Variants in CAMTA1 observed in about 807,000 individuals in gnomAD.
CAMTA1 encodes calmodulin-binding transcription activator 1.
In CAMTA1, 27 loss-of-function variants were observed where a neutral mutation model predicts 170.9. The ratio of observed to expected loss-of-function variants is 0.16; its 90% CI spans 0.12 to 0.22. The LOEUF is 0.22. Ranked by LOEUF, CAMTA1 falls within the 10% of genes least tolerant of loss-of-function variation. CAMTA1 has a pLI of 1.00. For synonymous variants in CAMTA1, 833 were observed against 891.5 expected (o/e 0.93, Z 1.17); for missense variants, 1,619 against 2,217.2 (o/e 0.73, Z 5.42).
chr1:7,185,673 A>G (rs1653111589), intron 4 of CAMTA1, among the ~76,000 whole-genome samples: 1 of 152,210 alleles, frequency 6.6e-6, no homozygotes. Context: ...AAATCGGGAC[A>G]AACACACAGC....
At chr1:6,885,344 G>A (rs951719683) in intron 3 of CAMTA1, among the ~76,000 whole-genome samples, 2 of 152,226 alleles carry the variant, frequency 1.3e-5, no homozygotes, top group Non-Finnish European at 2.9e-5. Context: ...CTTTGAAAGT[G>A]AAGGTCAGTG....
intron 3 of CAMTA1, among the ~76,000 whole-genome samples, chr1:6,953,358 C>T (rs1688843250): frequency 6.6e-6 from 1 of 152,228 alleles, no homozygotes; most frequent in East Asian, 1.9e-4. Flanking sequence ...GGTCCAACCC[C>T]GGGAACGTGG....
In CAMTA1 at chr1:7,083,267, C is replaced by T. The variant is rs568133994; in HGVS notation, c.235-8037C>T. Reference sequence around the variant, plus strand: ...ATTTTGTAGACAGTCCTCCAGACACCCTTGGATCCTTACAGTCTTAACCAC... The same window carrying T: ...ATTTTGTAGACAGTCCTCCAGACACTCTTGGATCCTTACAGTCTTAACCAC... On this transcript the variant is annotated intron_variant, in intron 3 of 22. Coordinates refer to ENST00000303635, the MANE Select transcript of CAMTA1 (RefSeq NM_015215.4). Among the ~76,000 whole-genome samples, 5 of 152,284 alleles carry T rather than the reference C, an allele frequency of 3.3e-5. No homozygotes were observed. The South Asian group carries it at 8.3e-4, about 25-fold the overall frequency.
chr1:6,854,179 A>G (rs1661410567), intron 3 of CAMTA1, among the ~76,000 whole-genome samples: 1 of 152,194 alleles, frequency 6.6e-6, no homozygotes, highest in Non-Finnish European at 1.5e-5. Flanking sequence ...ATTTTATTGG[A>G]ACTGGAAAAT....
At chr1:7,557,732 C>T (rs2094898794) in intron 6 of CAMTA1, among the ~76,000 whole-genome samples, 1 of 152,134 alleles carries the variant, frequency 6.6e-6, no homozygotes, top group Non-Finnish European at 1.5e-5. Context: ...GACACAGACA[C>T]CGGGTGAGTT....
At chr1:6,813,777 G>C (rs1314853163) in intron 1 of CAMTA1, among the ~76,000 whole-genome samples, 1 of 152,070 alleles carries the variant, frequency 6.6e-6, no homozygotes, top group East Asian at 1.9e-4. Context: ...TCGAGCCACT[G>C]CTTGTTCAGT....
Position 7,457,951 on chromosome 1 carries a change from G to T in CAMTA1, c.439-9879G>T, listed in dbSNP as rs1387844044. On this transcript the variant is annotated intron_variant, in intron 5 of 22. Transcript: ENST00000303635. ...GGAGGAGTCTGTCCTGTCCCCCACGGCCAGAGGCCCGCAGGCACTTTCTGC... is the reference window on the plus strand; with the variant it reads ...GGAGGAGTCTGTCCTGTCCCCCACGTCCAGAGGCCCGCAGGCACTTTCTGC... Among the ~76,000 whole-genome samples the T allele has an allele frequency of 1.3e-5, 2 of 152,154 alleles. 1 individual carries two copies. The highest frequency in any genetic ancestry group is 2.9e-5 in the Non-Finnish European group (2 of 68,032).
intron 3 of CAMTA1, among the ~76,000 whole-genome samples, chr1:6,977,866 A>G (rs1207836238): frequency 6.6e-6 from 1 of 152,268 alleles, no homozygotes; most frequent in Non-Finnish European, 1.5e-5. Context: ...ACAGAGTACC[A>G]TTCAGCCATA....
At chr1:6,985,083 G>A (rs1695133730) in intron 3 of CAMTA1, among the ~76,000 whole-genome samples, 2 of 152,232 alleles carry the variant, frequency 1.3e-5, no homozygotes, top group South Asian at 4.1e-4. Context: ...TCCCAGGCCT[G>A]GAAGCCCACA....
chr1:7,516,862 C>G (rs1481956850), intron 6 of CAMTA1, among the ~76,000 whole-genome samples: 3 of 152,152 alleles, frequency 2.0e-5, no homozygotes, highest in Admixed American at 2.0e-4. Flanking sequence ...CCTGAGAGGG[C>G]TCTTGTTTGT....
chr1:6,831,176 T>C (rs893327605), intron 3 of CAMTA1, among the ~76,000 whole-genome samples: 3 of 152,168 alleles, frequency 2.0e-5, no homozygotes, highest in African/African-American at 7.2e-5. Flanking sequence ...GAAAAAACTA[T>C]ATTAAAAATA....
intron 6 of CAMTA1, among the ~76,000 whole-genome samples, chr1:7,520,028 CA>C (rs1188426160): frequency 1.3e-5 from 2 of 150,394 alleles, no homozygotes; most frequent in Non-Finnish European, 3.0e-5. Flanking sequence ...TTCCCCTACC[CA>C]AAAGTCTTCA....
chr1:7,263,819 A>AT (rs1317177363), intron 5 of CAMTA1, among the ~76,000 whole-genome samples: 1 of 152,220 alleles, frequency 6.6e-6, no homozygotes, highest in Non-Finnish European at 1.5e-5. Flanking sequence ...AAGCCAACAG[A>AT]TGTTAGTGAG....
intron 3 of CAMTA1, among the ~76,000 whole-genome samples, chr1:7,090,849 CAG>C (rs1217907042): frequency 6.6e-6 from 1 of 152,002 alleles, no homozygotes; most frequent in East Asian, 1.9e-4. Context: ...GATTTTGGCT[CAG>C]GGGGTTGGGG....
At chr1:7,225,874 T>A (rs1661611356) in intron 4 of CAMTA1, among the ~76,000 whole-genome samples, 1 of 152,154 alleles carries the variant, frequency 6.6e-6, no homozygotes, top group South Asian at 2.1e-4. Flanking sequence ...CCTCTGCTCA[T>A]CCCTACAGGG....
intron 1 of CAMTA1, among the ~76,000 whole-genome samples, chr1:6,808,146 T>C (rs1644739469): frequency 6.6e-6 from 1 of 151,494 alleles, no homozygotes; most frequent in African/African-American, 2.4e-5. Flanking sequence ...GGAAAGTAGG[T>C]AGGGGTCATG....
chr1:7,241,316 T>A (rs1161158652), intron 4 of CAMTA1, among the ~76,000 whole-genome samples: 2 of 152,240 alleles, frequency 1.3e-5, no homozygotes, highest in Non-Finnish European at 2.9e-5. Flanking sequence ...AGACATTCCA[T>A]GTTCTGCAAT....
intron 3 of CAMTA1, among the ~76,000 whole-genome samples, chr1:7,082,977 A>T (rs905481978): frequency 2.0e-5 from 3 of 152,166 alleles, no homozygotes; most frequent in African/African-American, 7.2e-5. Context: ...AGGGCCTTTC[A>T]TAGTGCCTGG....
chr1:7,661,090 T>C (rs1182052651), intron 7 of CAMTA1, among the ~76,000 whole-genome samples: 1 of 152,204 alleles, frequency 6.6e-6, no homozygotes, highest in Admixed American at 6.5e-5. Flanking sequence ...CTGCCATCAG[T>C]CAGCACTGGG....
Sources: gnomAD v4.1 joint callset for allele counts (sites outside exome capture counted in the v4.1 genomes callset) on GRCh38, gnomAD v4.1.1 for gene constraint, MANE v1.5 for transcripts, NCBI Gene and HGNC (gene_info 2026-07-23, HGNC 2026-07-21) for gene names.